DAB1: variants seen among roughly 807,000 people sequenced by gnomAD.
DAB1 encodes DAB adaptor protein 1, also known as disabled homolog 1.
Under a neutral mutation model 64.6 loss-of-function variants are expected in DAB1, and 15 were observed. The observed-to-expected ratio is 0.23, with a 90% CI of 0.16 to 0.36. The LOEUF is 0.36. Among genes scored for constraint, DAB1 ranks in the 10% least tolerant of loss-of-function variants. The probability of loss-of-function intolerance (pLI) is 1.00; values close to 1 mark genes in which losing one functional copy is unlikely to be tolerated. For missense variants in DAB1, 596 were observed against 706.7 expected, an observed-to-expected ratio of 0.84 and a Z score of 1.78; for synonymous variants, 235 against 251.9, an observed-to-expected ratio of 0.93 and a Z score of 0.64.
chr1:57,675,767 T>C (rs1390272895), intron 6 of DAB1, among the ~76,000 whole-genome samples: 1 of 152,218 alleles, frequency 6.6e-6, no homozygotes, highest in East Asian at 1.9e-4. Flanking sequence ...TAATCAGCCT[T>C]TTATTTTAAA....
intron 7 of DAB1, among the ~76,000 whole-genome samples, chr1:57,574,324 G>A (rs1201671716): frequency 6.6e-6 from 1 of 152,108 alleles, no homozygotes; most frequent in Non-Finnish European, 1.5e-5. Flanking sequence ...CACTTGGTAG[G>A]GCTGCTGCTC....
intron 6 of DAB1, among the ~76,000 whole-genome samples, chr1:57,698,680 A>T (rs1318997180): frequency 6.6e-6 from 1 of 152,196 alleles, no homozygotes; most frequent in Non-Finnish European, 1.5e-5. Context: ...GTAATAAATG[A>T]GTGAATAAAC....
chr1:58,208,010 T>G lies in DAB1; in HGVS notation n.310-57422A>C, dbSNP rs565227578. Among the ~76,000 whole-genome samples the G allele has an allele frequency of 5.9e-5, 9 of 152,240 alleles. No homozygotes were observed. The South Asian group carries it at 1.5e-3, about 25-fold the overall frequency. On this transcript the variant is annotated intron_variant and non_coding_transcript_variant, in intron 4 of 20. Transcript: ENST00000485760. The stretch of plus-strand genomic sequence containing the variant: ...GGAAGTGAACATGTCCTCCTTCACA[T>G]GGTGGCAGCAAGGAGGAGTGTAGAG...
chr1:57,197,463 C>T (rs505131), intron 2 of DAB1, among the ~76,000 whole-genome samples: 74,178 of 151,848 alleles, frequency 0.49, 18,594 homozygotes, highest in African/African-American at 0.58. Context: ...ACTAGAACTT[C>T]GTGAAGCACT....
chr1:57,210,977 G>T (rs986369339), intron 2 of DAB1, among the ~76,000 whole-genome samples: 2 of 152,114 alleles, frequency 1.3e-5, no homozygotes, highest in Non-Finnish European at 2.9e-5. Flanking sequence ...ATTCTAATCT[G>T]GTATTGATAA....
intron 4 of DAB1, among the ~76,000 whole-genome samples, chr1:57,084,836 G>A (rs1278288581): frequency 3.3e-5 from 5 of 152,286 alleles, no homozygotes; most frequent in East Asian, 1.9e-4. Context: ...CCCATTTAGT[G>A]CTGTGCAGCA....
At chr1:58,419,807 C>A (rs1168047227) in intron 3 of DAB1, among the ~76,000 whole-genome samples, 4 of 152,210 alleles carry the variant, frequency 2.6e-5, no homozygotes, top group Non-Finnish European at 5.9e-5. Context: ...ACTGTGTATG[C>A]ACCACAGCTC....
At chr1:57,904,523 A>T (rs938082017) in intron 5 of DAB1, among the ~76,000 whole-genome samples, 7 of 152,200 alleles carry the variant, frequency 4.6e-5, no homozygotes, top group African/African-American at 1.4e-4. Context: ...TGAAAATGGT[A>T]ATAAATACCA....
At chr1:57,924,685 T>C (rs992272604) in intron 5 of DAB1, among the ~76,000 whole-genome samples, 3 of 150,706 alleles carry the variant, frequency 2.0e-5, no homozygotes, top group Non-Finnish European at 4.4e-5. Context: ...GCCAGGCTGA[T>C]TTCAAACTCC....
chr1:57,830,375 T>A (rs1309268715), intron 1 of DAB1, among the ~76,000 whole-genome samples: 2 of 152,190 alleles, frequency 1.3e-5, no homozygotes, highest in East Asian at 3.9e-4. Context: ...GTAGGCCTAT[T>A]ACTTTTCCTA....
At chr1:57,239,214 A>G (rs1668327940) in intron 2 of DAB1, among the ~76,000 whole-genome samples, 1 of 152,140 alleles carries the variant, frequency 6.6e-6, no homozygotes, top group South Asian at 2.1e-4. Flanking sequence ...CTCAGAAGTC[A>G]TCTCTCCAGA....
At chr1:57,276,623 A>C (rs1447658134) in intron 2 of DAB1, among the ~76,000 whole-genome samples, 1 of 152,166 alleles carries the variant, frequency 6.6e-6, no homozygotes, top group East Asian at 1.9e-4. Context: ...CTTTCACGGG[A>C]GGATAGGGTA....
At chr1:57,563,623 C>T (rs1227158293) in intron 7 of DAB1, among the ~76,000 whole-genome samples, 3 of 152,276 alleles carry the variant, frequency 2.0e-5, no homozygotes, top group Admixed American at 6.5e-5. Context: ...TCTTAGCAAA[C>T]GGCACACCAA....
chr1:58,188,543 T>C (rs924600524), intron 4 of DAB1, among the ~76,000 whole-genome samples: 1 of 152,176 alleles, frequency 6.6e-6, no homozygotes, highest in African/African-American at 2.4e-5. Flanking sequence ...CTAAGGCCTG[T>C]CTAATACTAA....
chr1:58,518,272 G>GGA (rs1553123875), intron 2 of DAB1, among the ~76,000 whole-genome samples: 2 of 650 alleles, frequency 3.1e-3, no homozygotes, highest in Non-Finnish European at 5.4e-3. Context: ...AGAGGAGAGA[G>GGA]GAGAGGAGAA....
At chr1:58,056,303 C>G (rs7536362) in intron 5 of DAB1, 1 of 1,508,690 alleles carries the variant, frequency 6.6e-7, no homozygotes, top group East Asian at 2.2e-5. Context: ...ACATAGGCAT[C>G]GAAGACGCTC....
intron 6 of DAB1, among the ~76,000 whole-genome samples, chr1:57,659,287 T>C (rs542236614): frequency 6.6e-6 from 1 of 152,292 alleles, no homozygotes; most frequent in East Asian, 1.9e-4. Context: ...AGTTTATTAT[T>C]TCATTTGAGA....
Position 57,989,991 on chromosome 1 carries a change from GTCAGGACCTGAATCTGTCAT to G in DAB1, n.388-105849_388-105830del, listed in dbSNP as rs559731615. 3.9e-5 allele frequency among the ~76,000 whole-genome samples: 6 copies of G among 152,222 alleles called. No individual in the cohort carries two copies. The South Asian group carries it at 1.2e-3, about 32-fold the overall frequency. ...ATCAGGCACCATTTCTCCATGATGT[GTCAGGACCTGAATCTGTCAT>G]TTGCGAGCCTGACCTCATAACTCAG... On this transcript the variant is annotated intron_variant and non_coding_transcript_variant, in intron 5 of 20. Coordinates refer to the DAB1 transcript ENST00000485760.
At chr1:57,158,974 G>C (rs1282331231) in intron 2 of DAB1, among the ~76,000 whole-genome samples, 1 of 152,152 alleles carries the variant, frequency 6.6e-6, no homozygotes, top group Admixed American at 6.5e-5. Flanking sequence ...TATGGTACCA[G>C]GCAGAGATTC....
Sources: allele counts gnomAD v4.1 joint callset (sites outside exome capture counted in the v4.1 genomes callset), GRCh38; gene constraint gnomAD v4.1.1; transcripts MANE v1.5; gene names NCBI Gene and HGNC (gene_info 2026-07-23, HGNC 2026-07-21).